The following FAM120A variants were observed in gnomAD, a reference collection of about 807,000 sequenced individuals.
FAM120A encodes the protein family with sequence similarity 120 member A, also known as constitutive coactivator of PPAR-gamma-like protein 1.
In FAM120A, 15 loss-of-function variants were observed where a neutral mutation model predicts 109.7. The observed-to-expected ratio is 0.14, with a 90% CI of 0.09 to 0.21. FAM120A has a LOEUF of 0.21. Ranked by LOEUF, FAM120A falls within the 10% of genes least tolerant of loss-of-function variation. The pLI, the probability that FAM120A is intolerant of heterozygous loss-of-function variation, is 1.00. For missense variants in FAM120A, 899 were observed against 1,439.3 expected (o/e 0.62, Z 6.07); for synonymous variants, 493 against 572.8 (o/e 0.86, Z 1.99).
rs948964509 is a variant in FAM120A at position 93,474,720 on chromosome 9, A to G, written c.722-1536A>G. 3.9e-5 allele frequency among the ~76,000 whole-genome samples: 6 copies of G among 152,156 alleles called. No individual in the cohort carries two copies. The East Asian group carries it at 5.8e-4, about 15-fold the overall frequency. ...ACCATTCTCCCACCTCAGCCTCCCGAGTAGCTGGGACTACAGGCAACCGCC... is the reference window on the plus strand; with the variant it reads ...ACCATTCTCCCACCTCAGCCTCCCGGGTAGCTGGGACTACAGGCAACCGCC... On this transcript the variant is annotated intron_variant, in intron 2 of 17. Transcript: ENST00000277165.
chr9:93,510,250 G>A lies in FAM120A; in HGVS notation c.1031-5417G>A, dbSNP rs1428623166. ...AGTTTGTGGTAGTTAGTGTGAAGTA[G>A]GAAGTGACACAGGCTGCCTGATCAT... On this transcript the variant is annotated intron_variant, in intron 5 of 17. Coordinates refer to ENST00000277165, the MANE Select transcript of FAM120A (RefSeq NM_014612.5). Among the ~76,000 whole-genome samples, 8 of 152,216 alleles carry A rather than the reference G, an allele frequency of 5.3e-5. No homozygotes were observed. The East Asian group carries it at 1.5e-3, about 29-fold the overall frequency.
intron 5 of FAM120A, among the ~76,000 whole-genome samples, chr9:93,514,165 C>T (rs1035201088): frequency 2.0e-5 from 3 of 152,218 alleles, no homozygotes; most frequent in Non-Finnish European, 2.9e-5. Flanking sequence ...TAAGAAGTGT[C>T]GAGTGAAGGG....
intron 1 of FAM120A, chr9:93,453,170 A>T: frequency 3.0e-6 from 3 of 1,001,860 alleles, no homozygotes; most frequent in Non-Finnish European, 3.6e-6. Flanking sequence ...GGGGCGAACT[A>T]CGCGGGCGTG....
At position 93,497,570 on chromosome 9, in the gene FAM120A, A is replaced by G. The variant is rs767770480; in HGVS notation, c.904A>G (p.Ile302Val). 8 of 1,605,746 alleles carry G rather than the reference A, an allele frequency of 5.0e-6. No homozygotes were observed. Among genetic ancestry groups the G allele is most frequent in the African/African-American group, 2.7e-5 (2 of 74,052 alleles). ...TCAGGACACCTCTGACTTGGATGCC[A>G]TAGCTAAAGATGTTTTCCAGCATTC... ...NIQDTSDLDA[I>V]AKDVFQHSQS... is the part of the protein sequence containing the mutation. The change falls in exon 4 of 18, where the codon ATA becomes GTA. Residue 302 changes from isoleucine (I) to valine (V), a missense_variant. Transcript: ENST00000277165.
chr9:93,561,331 A>G, intron 16 of FAM120A, 81 bp downstream of exon 16: 1 of 1,356,006 alleles, frequency 7.4e-7, no homozygotes, highest in Non-Finnish European at 1.0e-6. Flanking sequence ...AAGTTTAAGT[A>G]GGAACATTTT....
At chr9:93,470,240 A>C (rs1263110741) in intron 1 of FAM120A, among the ~76,000 whole-genome samples, 4 of 152,242 alleles carry the variant, frequency 2.6e-5, no homozygotes, top group Non-Finnish European at 5.9e-5. Context: ...AAAACCTGCC[A>C]GAATTTTAGT....
At chr9:93,559,657 C>T (rs915547008) in intron 15 of FAM120A, among the ~76,000 whole-genome samples, 1 of 152,180 alleles carries the variant, frequency 6.6e-6, no homozygotes, top group Non-Finnish European at 1.5e-5. Context: ...GACTGCTCCT[C>T]ATGCAGCTCG....
intron 1 of FAM120A, among the ~76,000 whole-genome samples, chr9:93,466,723 A>G (rs1858038156): frequency 6.6e-6 from 1 of 151,874 alleles, no homozygotes; most frequent in Admixed American, 6.6e-5. Context: ...GTACCCACCT[A>G]TGTGTGTATT....
In FAM120A at chr9:93,479,090, A is replaced by ATTT. The variant is rs11296612; in HGVS notation, c.804+2776_804+2778dup. Among the ~76,000 whole-genome samples, 10 of 81,634 alleles carry ATTT rather than the reference A, an allele frequency of 1.2e-4. 1 individual carries two copies. The highest frequency in any genetic ancestry group is 5.3e-4 in the African/African-American group (10 of 18,840). 53.6% of individuals were successfully genotyped at this position (81,634 alleles called of 152,430 possible). On this transcript the variant is annotated intron_variant, in intron 3 of 17. Transcript: ENST00000277165. ...GAGAGGTTTAAGATTAGGGTATTGC[A>ATTT]TTTTTTTTTTTTTTTTTTTTTTTTT...
chr9:93,529,889 A>G (rs1861261864), intron 9 of FAM120A: 2 of 545,110 alleles, frequency 3.7e-6, no homozygotes, highest in South Asian at 2.5e-5. Context: ...CTTCAATTTC[A>G]GAATTTTCTT....
chr9:93,469,790 A>G (rs1391870545), intron 1 of FAM120A, among the ~76,000 whole-genome samples: 1 of 152,168 alleles, frequency 6.6e-6, no homozygotes, highest in African/African-American at 2.4e-5. Context: ...AGAATTCAGA[A>G]AGTAATTTCT....
Position 93,565,392 on chromosome 9 carries a change from CCTTT to C in FAM120A, c.*856_*859del, listed in dbSNP as rs1297883764. The C allele has an allele frequency of 2.0e-5, 3 of 152,564 alleles. No individual in the cohort carries two copies. Among genetic ancestry groups the C allele is most frequent in the African/African-American group, 7.2e-5 (3 of 41,414 alleles). 9.5% of individuals were successfully genotyped at this position (152,564 alleles called of 1,614,324 possible). On this transcript the variant is annotated 3_prime_UTR_variant, in exon 18 of 18. Transcript: ENST00000277165. ...GTGTAGTTAATATGCATGTTATCGT[CCTTT>C]CTTCCATTCTTAACAGTATGTGCCC...
At chr9:93,538,072 C>T (rs527250343) in intron 10 of FAM120A, among the ~76,000 whole-genome samples, 1 of 151,736 alleles carries the variant, frequency 6.6e-6, no homozygotes, top group South Asian at 2.1e-4. Context: ...ACTTGCCAAT[C>T]CTTGAGCTTT....
chr9:93,530,160 T>TA (rs1861272186), intron 9 of FAM120A: 2 of 158,986 alleles, frequency 1.3e-5, no homozygotes, highest in South Asian at 3.5e-4. Flanking sequence ...TTCACTTTAT[T>TA]AGTGTCTTAA....
chr9:93,482,347 C>T (rs183773675), intron 3 of FAM120A, among the ~76,000 whole-genome samples: 2 of 152,124 alleles, frequency 1.3e-5, no homozygotes, highest in African/African-American at 4.8e-5. Flanking sequence ...GCTGTTGCCA[C>T]ATCCAGCTAA....
At chr9:93,519,194 T>G (rs763621861) in intron 7 of FAM120A, among the ~76,000 whole-genome samples, 1 of 152,156 alleles carries the variant, frequency 6.6e-6, no homozygotes, top group Non-Finnish European at 1.5e-5. Flanking sequence ...ACTCCAGAAC[T>G]CTGGTCTTAA....
chr9:93,517,943 T>C (rs1192625376), intron 7 of FAM120A, among the ~76,000 whole-genome samples: 3 of 152,204 alleles, frequency 2.0e-5, no homozygotes, highest in Non-Finnish European at 4.4e-5. Context: ...TCTGGTCAGC[T>C]TTTTGGAGCT....
chr9:93,514,005 TGC>T (rs1860456512), intron 5 of FAM120A, among the ~76,000 whole-genome samples: 1 of 152,222 alleles, frequency 6.6e-6, no homozygotes. Context: ...GATTTCATAC[TGC>T]TATAAAGAAC....
chr9:93,540,641 G>T (rs1040611494), intron 10 of FAM120A, among the ~76,000 whole-genome samples: 24 of 152,120 alleles, frequency 1.6e-4, no homozygotes, highest in Non-Finnish European at 1.5e-5. Flanking sequence ...ACAGCACCAG[G>T]CCAGGCTCAT....
Sources: allele counts gnomAD v4.1 joint callset (sites outside exome capture counted in the v4.1 genomes callset), GRCh38; gene constraint gnomAD v4.1.1; transcripts MANE v1.5; gene names NCBI Gene and HGNC (gene_info 2026-07-23, HGNC 2026-07-21).